Variants in RIMS1 observed in about 807,000 individuals in gnomAD.
RIMS1 encodes regulating synaptic membrane exocytosis protein 1.
RIMS1 carries 83 observed loss-of-function variants against 214.1 expected under a neutral mutation model. The observed-to-expected ratio is 0.39, with a 90% confidence interval of 0.32 to 0.47. RIMS1 has a LOEUF of 0.47. Ranked by LOEUF, RIMS1 falls within the 20% of genes least tolerant of loss-of-function variation. The pLI, the probability that RIMS1 is intolerant of heterozygous loss-of-function variation, is 0.99. For missense variants in RIMS1, 2,050 were observed against 2,161.8 expected, an observed-to-expected ratio of 0.95 and a Z score of 1.03; for synonymous variants, 793 against 786.8, an observed-to-expected ratio of 1.01 and a Z score of -0.13.
At chr6:72,148,033 G>A (rs2042982529) in intron 4 of RIMS1, among the ~76,000 whole-genome samples, 1 of 152,126 alleles carries the variant, frequency 6.6e-6, no homozygotes, top group African/African-American at 2.4e-5. Context: ...CCTTCATGTT[G>A]TAAAAGTTAG....
chr6:72,026,167 G>T (rs2151972758), intron 2 of RIMS1, among the ~76,000 whole-genome samples: 1 of 152,260 alleles, frequency 6.6e-6, no homozygotes, highest in African/African-American at 2.4e-5. Context: ...TGGCTATCTT[G>T]GAGGTTGGCT....
chr6:72,195,550 G>A (rs2050721856), intron 6 of RIMS1, among the ~76,000 whole-genome samples: 1 of 150,402 alleles, frequency 6.6e-6, no homozygotes, highest in African/African-American at 2.5e-5. Context: ...ATGAATAATT[G>A]CCTGTTAAGT....
intron 29 of RIMS1, among the ~76,000 whole-genome samples, chr6:72,346,976 T>C (rs1353407530): frequency 2.0e-5 from 3 of 151,844 alleles, no homozygotes; most frequent in African/African-American, 4.8e-5. Context: ...AAGAAGGTAT[T>C]AGTGAACAAT....
At chr6:72,131,675 C>A (rs1410017351) in intron 4 of RIMS1, among the ~76,000 whole-genome samples, 2 of 152,154 alleles carry the variant, frequency 1.3e-5, no homozygotes, top group Non-Finnish European at 2.9e-5. Context: ...GTTTTGGGCA[C>A]CATTGTCATT....
At chr6:72,008,198 C>G in intron 2 of RIMS1, among the ~76,000 whole-genome samples, 1 of 152,070 alleles carries the variant, frequency 6.6e-6, no homozygotes. Flanking sequence ...AATTTTCAAG[C>G]CAGAATTTCA....
rs1563843412 is a variant in RIMS1, at chr6:72,306,825, G to GCTAC, written c.3851-433_3851-432insCTAC. Among the ~76,000 whole-genome samples the GCTAC allele has an allele frequency of 2.0e-5, 3 of 152,146 alleles. No individual in the cohort carries two copies. The East Asian group carries it at 5.8e-4, about 29-fold the overall frequency. ...TTTAGGTGACTACTGTTAGCTGAGGGTGTTAAGTGGGTGTGTGCATGCATG... is the reference window on the plus strand; with the variant it reads ...TTTAGGTGACTACTGTTAGCTGAGGGCTACTGTTAAGTGGGTGTGTGCATGCATG... On this transcript the variant is annotated intron_variant, in intron 26 of 33. Transcript: ENST00000521978.
At chr6:72,265,132 T>C in intron 20 of RIMS1, 80 bp downstream of exon 20, 1 of 783,486 alleles carries the variant, frequency 1.3e-6, no homozygotes, top group Non-Finnish European at 2.0e-6. Context: ...AAAATTCACA[T>C]TCTAATAAAA....
intron 1 of RIMS1, among the ~76,000 whole-genome samples, chr6:71,905,604 A>G (rs1033266621): frequency 4.6e-5 from 7 of 152,060 alleles, no homozygotes; most frequent in Non-Finnish European, 2.9e-5. Context: ...TGTTTCCAAA[A>G]ATGTACCTAG....
At chr6:71,892,877 G>A (rs1409840989) in intron 1 of RIMS1, among the ~76,000 whole-genome samples, 4 of 152,090 alleles carry the variant, frequency 2.6e-5, no homozygotes, top group Admixed American at 1.3e-4. Flanking sequence ...GTGAGTGCTG[G>A]ATAGTTGGAT....
At chr6:72,289,478 G>A (rs774355474) in intron 24 of RIMS1, among the ~76,000 whole-genome samples, 3 of 152,088 alleles carry the variant, frequency 2.0e-5, no homozygotes, top group South Asian at 2.1e-4. Context: ...AGGTTTCAGC[G>A]TTTGAATTAT....
intron 2 of RIMS1, among the ~76,000 whole-genome samples, chr6:72,046,970 A>C (rs898920500): frequency 6.6e-6 from 1 of 152,166 alleles, no homozygotes; most frequent in Admixed American, 6.6e-5. Flanking sequence ...AAAGTAAATA[A>C]TATTTATTAA....
chr6:72,164,075 C>A (rs942808525), intron 4 of RIMS1, among the ~76,000 whole-genome samples: 2 of 152,196 alleles, frequency 1.3e-5, no homozygotes, highest in Non-Finnish European at 2.9e-5. Flanking sequence ...TTTACATACT[C>A]AAGCCTTGGC....
chr6:71,903,069 T>C (rs1774186880), intron 1 of RIMS1, among the ~76,000 whole-genome samples: 1 of 152,158 alleles, frequency 6.6e-6, no homozygotes, highest in African/African-American at 2.4e-5. Context: ...GGTCAAATGC[T>C]ATTTCTGAGT....
intron 2 of RIMS1, among the ~76,000 whole-genome samples, chr6:72,057,502 T>TC (rs1408976216): frequency 1.3e-4 from 19 of 149,662 alleles, no homozygotes; most frequent in African/African-American, 3.2e-4. Flanking sequence ...CTTTTTCTTT[T>TC]TTTTTTTTTT....
chr6:71,957,150 A>C (rs558389502), intron 1 of RIMS1, among the ~76,000 whole-genome samples: 1 of 152,260 alleles, frequency 6.6e-6, no homozygotes, highest in South Asian at 2.1e-4. Flanking sequence ...TTAACCAAAA[A>C]CTTCTCTAGA....
At chr6:72,011,855 A>T (rs1236602109) in intron 2 of RIMS1, among the ~76,000 whole-genome samples, 1 of 152,226 alleles carries the variant, frequency 6.6e-6, no homozygotes, top group Non-Finnish European at 1.5e-5. Flanking sequence ...GATCTGGAGA[A>T]ATAGGAACAG....
chr6:72,285,097 G>A (rs971769414), intron 24 of RIMS1, among the ~76,000 whole-genome samples: 5 of 152,118 alleles, frequency 3.3e-5, no homozygotes, highest in Non-Finnish European at 1.5e-5. Flanking sequence ...TAAAATTGGA[G>A]AAATTCTGAG....
intron 16 of RIMS1, among the ~76,000 whole-genome samples, chr6:72,256,799 A>G (rs1443837599): frequency 2.6e-5 from 4 of 151,992 alleles, no homozygotes; most frequent in African/African-American, 7.2e-5. Context: ...TTACAATATA[A>G]TATTACATCT....
intron 19 of RIMS1, chr6:72,262,582 C>G: frequency 1.0e-6 from 1 of 969,884 alleles, no homozygotes. Flanking sequence ...AACATGAGTT[C>G]AAAAATACGT....
Sources: gnomAD v4.1 joint callset for allele counts (sites outside exome capture counted in the v4.1 genomes callset) on GRCh38, gnomAD v4.1.1 for gene constraint, MANE v1.5 for transcripts, NCBI Gene and HGNC (gene_info 2026-07-23, HGNC 2026-07-21) for gene names.